RSRC2: variants seen among roughly 807,000 people sequenced by gnomAD.
RSRC2 encodes arginine/serine-rich coiled-coil protein 2.
A neutral mutation model predicts 61.3 loss-of-function variants in RSRC2; 5 were observed. The ratio of observed to expected loss-of-function variants is 0.08; its 90% CI spans 0.04 to 0.17. The LOEUF (loss-of-function observed/expected upper bound fraction) is 0.17. Ranked by LOEUF, RSRC2 falls within the 10% of genes least tolerant of loss-of-function variation. The pLI is 1.00. For missense variants in RSRC2, 381 were observed against 518.8 expected (o/e 0.73, Z 2.58); for synonymous variants, 202 against 166.5 (o/e 1.21, Z -1.64).
chr12:122,520,472 G>C, intron 3 of RSRC2: 10 of 1,150,062 alleles, frequency 8.7e-6, no homozygotes, highest in Non-Finnish European at 1.2e-5. Context: ...ATATATTTAA[G>C]GGAAATAGGA....
chr12:122,506,930 AC>A lies in RSRC2; in HGVS notation c.1036-8del. Reference sequence around the variant, plus strand: ...CAGCAGATTGGGATTTGTCCTGTTAACAAACACTGAACTTTAAAATATGTAA... The same window carrying A: ...CAGCAGATTGGGATTTGTCCTGTTAAAAACACTGAACTTTAAAATATGTAA... On this transcript the variant is annotated splice_polypyrimidine_tract_variant and splice_region_variant and intron_variant, in intron 8 of 9. Coordinates refer to ENST00000331738, the MANE Select transcript of RSRC2 (RefSeq NM_023012.6). The A allele has an allele frequency of 6.7e-7, 1 of 1,495,144 alleles. No individual in the cohort carries two copies. The highest frequency in any genetic ancestry group is 2.3e-5 in the East Asian group (1 of 44,280). 92.6% of individuals were successfully genotyped at this position (1,495,144 alleles called of 1,614,324 possible).
intron 8 of RSRC2, 60 bp from the exon 9 acceptor site, chr12:122,506,983 A>T: frequency 1.1e-6 from 1 of 896,832 alleles, no homozygotes; most frequent in Non-Finnish European, 1.8e-6. Flanking sequence ...AGGACATGAA[A>T]TCTCTCAACA....
Position 122,513,477 on chromosome 12 carries a change from T to C in RSRC2, c.725+1628A>G, listed in dbSNP as rs1482300098. Among the ~76,000 whole-genome samples, 3 of 152,042 alleles carry C rather than the reference T, an allele frequency of 2.0e-5. No individual in the cohort carries two copies. In the East Asian group the frequency reaches 5.8e-4, roughly 29 times the overall value. Reference sequence around the variant, plus strand: ...ATCTGAAAGATCACCAAGTAATCTATATATCAATGACATTTTGGATGCTAT... The same window carrying C: ...ATCTGAAAGATCACCAAGTAATCTACATATCAATGACATTTTGGATGCTAT... On this transcript the variant is annotated intron_variant, in intron 6 of 9. Coordinates refer to ENST00000331738, the MANE Select transcript of RSRC2 (RefSeq NM_023012.6).
intron 6 of RSRC2, among the ~76,000 whole-genome samples, chr12:122,512,858 T>A (rs1226235292): frequency 6.6e-6 from 1 of 152,140 alleles, no homozygotes; most frequent in Non-Finnish European, 1.5e-5. Flanking sequence ...CTTGACTTTG[T>A]CCTTGAGAAT....
At chr12:122,514,737 G>T in intron 6 of RSRC2, 2 of 1,154,706 alleles carry the variant, frequency 1.7e-6, no homozygotes, top group East Asian at 5.9e-5. Flanking sequence ...GTCTATTTGA[G>T]GGAGAAAAAC....
At chr12:122,514,701 A>G in intron 6 of RSRC2, 20 of 1,160,738 alleles carry the variant, frequency 1.7e-5, no homozygotes, top group Non-Finnish European at 2.2e-5. Context: ...TATTGACAAA[A>G]TTTTACTTAC....
chr12:122,520,414 C>G, intron 3 of RSRC2: 1 of 742,816 alleles, frequency 1.3e-6, no homozygotes, highest in Middle Eastern at 3.4e-4. Flanking sequence ...TCAAACATAA[C>G]ATTACTATTA....
chr12:122,516,008 G>T (rs901609980), intron 5 of RSRC2, among the ~76,000 whole-genome samples: 1 of 151,758 alleles, frequency 6.6e-6, no homozygotes, highest in Non-Finnish European at 1.5e-5. Flanking sequence ...AAAAAAACTA[G>T]ATGTCAGTGA....
chr12:122,513,716 T>C (rs117323114), intron 6 of RSRC2: 24 of 859,852 alleles, frequency 2.8e-5, no homozygotes, highest in Admixed American at 2.5e-4. Context: ...CATTGAAGAT[T>C]TGGAATTAAT....
intron 6 of RSRC2, chr12:122,514,479 G>C (rs1168937711): frequency 2.4e-6 from 1 of 422,388 alleles, no homozygotes; most frequent in Non-Finnish European, 3.2e-6. Flanking sequence ...TGGCCAGGCT[G>C]GTCTCCCAAC....
intron 7 of RSRC2, among the ~76,000 whole-genome samples, chr12:122,510,221 A>T (rs1242628550): frequency 6.6e-6 from 1 of 152,190 alleles, no homozygotes; most frequent in African/African-American, 2.4e-5. Context: ...TGCATAAACT[A>T]CATTTCCAAA....
chr12:122,508,480 A>C, intron 7 of RSRC2, 33 bp from the exon 8 acceptor site: 1 of 1,515,246 alleles, frequency 6.6e-7, no homozygotes, highest in Non-Finnish European at 9.1e-7. Context: ...TGGATTTTAA[A>C]ACGATTTTAA....
At position 122,522,181 on chromosome 12, in the gene RSRC2, C is replaced by A; in HGVS notation, c.125G>T (p.Arg42Ile). 2 of 1,613,502 alleles carry A rather than the reference C, an allele frequency of 1.2e-6. No individual in the cohort carries two copies. The highest frequency in any genetic ancestry group is 1.7e-6 in the Non-Finnish European group (2 of 1,179,890). ...TCTTTCTCTTGACCTTGATCGTGATCTTGAATAATGATGTTTTGAAGCTCT... is the reference window on the plus strand; with the variant it reads ...TCTTTCTCTTGACCTTGATCGTGATATTGAATAATGATGTTTTGAAGCTCT... The part of the protein sequence containing the change: ...SPRASKHHYS[R>I]SRSRSRERKR... The change falls in exon 2 of 10, where the codon AGA becomes ATA. Residue 42 changes from arginine (R) to isoleucine (I), a missense_variant. This residue lies in a region of RSRC2 where 266 missense variants were observed against 270.5 expected (regional missense o/e 0.98). Coordinates refer to ENST00000331738, the MANE Select transcript of RSRC2 (RefSeq NM_023012.6).
intron 9 of RSRC2, 116 bp downstream of exon 9, chr12:122,506,718 A>G: frequency 1.5e-6 from 1 of 682,430 alleles, no homozygotes; most frequent in Non-Finnish European, 2.6e-6. Flanking sequence ...AGGTGGTGGG[A>G]AAGAACTCAA....
chr12:122,509,180 G>T (rs1958314939), intron 7 of RSRC2, among the ~76,000 whole-genome samples: 1 of 151,994 alleles, frequency 6.6e-6, no homozygotes, highest in Non-Finnish European at 1.5e-5. Context: ...TGGGCGCAGT[G>T]GCTCACGTCT....
intron 3 of RSRC2, 76 bp downstream of exon 3, chr12:122,521,309 T>G: frequency 2.6e-6 from 3 of 1,134,826 alleles, no homozygotes; most frequent in Non-Finnish European, 4.0e-6. Context: ...GACAACGTCT[T>G]ATATTCATAC....
At chr12:122,514,437 G>C (rs1555213921) in intron 6 of RSRC2, 1 of 227,866 alleles carries the variant, frequency 4.4e-6, no homozygotes, top group Non-Finnish European at 7.3e-6. Flanking sequence ...GCTAATTTTT[G>C]TATTTTTAGT....
chr12:122,523,617 T>C (rs529971145), intron 1 of RSRC2: 7 of 152,292 alleles, frequency 4.6e-5, no homozygotes, highest in African/African-American at 9.6e-5. Context: ...ATTGAATAAA[T>C]AGGGAATCGA....
chr12:122,505,853 A>G, intron 9 of RSRC2, 147 bp from the exon 10 acceptor site: 1 of 639,988 alleles, frequency 1.6e-6, no homozygotes, highest in East Asian at 2.9e-5. Flanking sequence ...ATCTCGGCTC[A>G]CTGCAACCTC....
Sources: gnomAD v4.1 joint callset for allele counts (sites outside exome capture counted in the v4.1 genomes callset) on GRCh38, gnomAD v4.1.1 for gene constraint, gnomAD v4.1.1 regional missense constraint, MANE v1.5 for transcripts, NCBI Gene and HGNC (gene_info 2026-07-23, HGNC 2026-07-21) for gene names.